THSD4: variants seen among roughly 807,000 people sequenced by gnomAD.
The protein encoded by THSD4 is thrombospondin type-1 domain-containing protein 4.
In THSD4, 69 loss-of-function variants were observed where a neutral mutation model predicts 119.0. That is an observed-to-expected ratio of 0.58 (90% CI 0.48 to 0.71). THSD4 has a LOEUF of 0.71. Ranked by LOEUF, THSD4 falls within the 30% of genes least tolerant of loss-of-function variation. The pLI is 0.00. For synonymous variants in THSD4, 524 were observed against 540.4 expected (o/e 0.97, Z 0.42); for missense variants, 1,393 against 1,391.1 (o/e 1.00, Z -0.02).
chr15:71,517,502 A>G (rs1187998664), intron 7 of THSD4, among the ~76,000 whole-genome samples: 2 of 152,156 alleles, frequency 1.3e-5, no homozygotes, highest in Non-Finnish European at 2.9e-5. Flanking sequence ...GTATATTTGG[A>G]TTTTGTTTTG....
chr15:71,194,004 C>T (rs2141444230), intron 3 of THSD4, among the ~76,000 whole-genome samples: 1 of 152,338 alleles, frequency 6.6e-6, no homozygotes, highest in Middle Eastern at 3.4e-3. Context: ...AGCCACCGCG[C>T]CCGGCCTGAG....
chr15:71,398,087 G>A (rs992955551), intron 6 of THSD4, among the ~76,000 whole-genome samples: 3 of 152,194 alleles, frequency 2.0e-5, no homozygotes, highest in African/African-American at 7.2e-5. Context: ...ATGTAGTGCA[G>A]AGATAGCAAG....
intron 7 of THSD4, among the ~76,000 whole-genome samples, chr15:71,449,815 C>T (rs927144589): frequency 3.3e-5 from 5 of 152,134 alleles, no homozygotes; most frequent in African/African-American, 4.8e-5. Flanking sequence ...TATGCAGGCC[C>T]AACTACTAGA....
intron 7 of THSD4, among the ~76,000 whole-genome samples, chr15:71,590,904 G>A (rs2049784027): frequency 6.7e-6 from 1 of 149,692 alleles, no homozygotes; most frequent in African/African-American, 2.5e-5. Flanking sequence ...TACTCAGGAG[G>A]CTGAGGCAGG....
At chr15:71,395,288 G>A (rs1196328026) in intron 6 of THSD4, among the ~76,000 whole-genome samples, 1 of 152,166 alleles carries the variant, frequency 6.6e-6, no homozygotes, top group Admixed American at 6.5e-5. Flanking sequence ...CCTCTGGGAG[G>A]CTGCTAAGGG....
At chr15:71,472,533 G>T (rs114033346) in intron 7 of THSD4, among the ~76,000 whole-genome samples, 167 of 152,222 alleles carry the variant, frequency 1.1e-3, no homozygotes, top group African/African-American at 3.8e-3. Flanking sequence ...ACTCCCCCCA[G>T]TTGAAGATTT....
chr15:71,613,493 A>C (rs2050267249), intron 7 of THSD4, among the ~76,000 whole-genome samples: 1 of 152,218 alleles, frequency 6.6e-6, no homozygotes. Flanking sequence ...TTACAACTTA[A>C]TCTTTAGCCA....
chr15:71,598,977 T>C (rs1335541152), intron 7 of THSD4, among the ~76,000 whole-genome samples: 2 of 152,200 alleles, frequency 1.3e-5, no homozygotes, highest in Non-Finnish European at 2.9e-5. Context: ...ACACCCCAGC[T>C]TAAGTCCTGC....
chr15:71,560,669 AT>A (rs1187197220), intron 7 of THSD4, among the ~76,000 whole-genome samples: 6 of 152,032 alleles, frequency 3.9e-5, no homozygotes, highest in Non-Finnish European at 7.4e-5. Flanking sequence ...TACGTGTGCA[AT>A]TTTCCATGTA....
intron 8 of THSD4, among the ~76,000 whole-genome samples, chr15:71,694,926 G>T (rs2052131514): frequency 6.6e-6 from 1 of 152,150 alleles, no homozygotes; most frequent in South Asian, 2.1e-4. Flanking sequence ...CAGCCCACAG[G>T]AGATGGAGAG....
intron 2 of THSD4, among the ~76,000 whole-genome samples, chr15:71,153,754 G>C (rs1263626601): frequency 1.3e-5 from 2 of 152,238 alleles, no homozygotes; most frequent in African/African-American, 2.4e-5. Context: ...GCCTCAAAAA[G>C]GTTGGGAACC....
At chr15:71,182,074 A>G (rs1366558696) in intron 3 of THSD4, among the ~76,000 whole-genome samples, 1 of 151,990 alleles carries the variant, frequency 6.6e-6, no homozygotes, top group Non-Finnish European at 1.5e-5. Context: ...GGCAAAAATG[A>G]TATACATTGA....
At chr15:71,283,418 G>A (rs529692325) in intron 6 of THSD4, among the ~76,000 whole-genome samples, 33 of 152,236 alleles carry the variant, frequency 2.2e-4, no homozygotes, top group African/African-American at 7.2e-4. Context: ...AATATTAAAT[G>A]TTAATATTAT....
chr15:71,121,550 C>T (rs1337250206), intron 1 of THSD4, among the ~76,000 whole-genome samples: 1 of 152,140 alleles, frequency 6.6e-6, no homozygotes, highest in Non-Finnish European at 1.5e-5. Context: ...CTTGCTCCTC[C>T]CTTTGCTCCA....
At chr15:71,561,005 C>G (rs566579360) in intron 7 of THSD4, among the ~76,000 whole-genome samples, 4 of 141,718 alleles carry the variant, frequency 2.8e-5, no homozygotes, top group African/African-American at 1.1e-4. Context: ...GATGGAGTCT[C>G]GCTGTGTCGC....
At chr15:71,476,228 C>T (rs751689976) in intron 7 of THSD4, among the ~76,000 whole-genome samples, 2 of 152,126 alleles carry the variant, frequency 1.3e-5, no homozygotes, top group African/African-American at 2.4e-5. Context: ...TTTTCTCCAC[C>T]GGCTGTATAT....
In THSD4 at chr15:71,219,472, C is replaced by T. The variant is rs376215337; in HGVS notation, c.464+4073C>T. Among the ~76,000 whole-genome samples the T allele has an allele frequency of 2.2e-3, 331 of 152,292 alleles. 4 individuals are homozygous for T. The highest frequency in any genetic ancestry group is 7.6e-3 in the African/African-American group (314 of 41,566). Reference sequence around the variant, plus strand: ...TGTTAAAAAGAGAGTTGCCAAGTCCCCACCATCTCCCATGCCTAATGGGGA... The same window carrying T: ...TGTTAAAAAGAGAGTTGCCAAGTCCTCACCATCTCCCATGCCTAATGGGGA... On this transcript the variant is annotated intron_variant, in intron 4 of 17. Transcript: ENST00000261862.
rs187994938 is a variant in THSD4, at chr15:71,520,771, G to A, written c.1152+108948G>A. 1.8e-3 allele frequency among the ~76,000 whole-genome samples: 279 copies of A among 152,200 alleles called. 1 individual carries two copies. The highest frequency in any genetic ancestry group is 6.4e-3 in the African/African-American group (266 of 41,516). On this transcript the variant is annotated intron_variant, in intron 7 of 17. Transcript: ENST00000261862. ...ACTAACTGAGCTCTAGACAGGTTAC[G>A]TCATTTGCCCAAAGTGCTATATAGT...
chr15:71,488,113 A>G (rs2047851010), intron 7 of THSD4, among the ~76,000 whole-genome samples: 1 of 152,174 alleles, frequency 6.6e-6, no homozygotes, highest in African/African-American at 2.4e-5. Context: ...TTCTCTCTTC[A>G]GCAGGATGCA....
Sources: gnomAD v4.1 joint callset for allele counts (sites outside exome capture counted in the v4.1 genomes callset) on GRCh38, gnomAD v4.1.1 for gene constraint, MANE v1.5 for transcripts, NCBI Gene and HGNC (gene_info 2026-07-23, HGNC 2026-07-21) for gene names.